LRTM1: variants seen among roughly 807,000 people sequenced by gnomAD.
The protein encoded by LRTM1 is leucine rich repeat transmembrane protein 1.
In LRTM1, 38 loss-of-function variants were observed where a neutral mutation model predicts 32.4. That is an observed-to-expected ratio of 1.17 (90% CI 0.91 to 1.54). The LOEUF (loss-of-function observed/expected upper bound fraction) is 1.54. Among genes scored for constraint, LRTM1 ranks in the 40% most tolerant of loss-of-function variants. The probability of loss-of-function intolerance (pLI) is 0.00; values close to 1 mark genes in which losing one functional copy is unlikely to be tolerated. For missense variants in LRTM1, 466 were observed against 415.4 expected (o/e 1.12, Z -1.06); for synonymous variants, 186 against 169.9 (o/e 1.09, Z -0.74).
In LRTM1 at chr3:54,918,870, G is replaced by C. The variant is rs776130162; in HGVS notation, c.627C>G (p.Ile209Met). Reference sequence around the variant, plus strand: ...CCTTCCAGGTGTCTGGTGATTCACAGATGATGCCGTCTGTTAGTCCCCCTT... The same window carrying C: ...CCTTCCAGGTGTCTGGTGATTCACACATGATGCCGTCTGTTAGTCCCCCTT... ...VYKGGLTDGI[I>M]CESPDTWKGK... Residue 209 changes from isoleucine (I) to methionine (M), a missense_variant, in exon 3 of 3, where the codon ATC becomes ATG. By Grantham distance (10) the Ile-to-Met change is conservative (BLOSUM62 1). Transcript: ENST00000273286. The C allele has an allele frequency of 6.4e-7, 1 of 1,552,740 alleles. No homozygotes were observed. Among genetic ancestry groups the C allele is most frequent in the African/African-American group, 1.4e-5 (1 of 73,102 alleles).
chr3:54,960,908 C>G (rs1279439258), intron 1 of LRTM1, among the ~76,000 whole-genome samples: 3 of 152,166 alleles, frequency 2.0e-5, no homozygotes, highest in South Asian at 4.1e-4. Context: ...AACAGACCTC[C>G]GGAATGGGCT....
chr3:54,958,014 C>G (rs984660637), intron 1 of LRTM1, among the ~76,000 whole-genome samples: 8 of 152,204 alleles, frequency 5.3e-5, no homozygotes, highest in African/African-American at 1.9e-4. Flanking sequence ...ATTGATATCT[C>G]CATCCACATT....
intron 1 of LRTM1, among the ~76,000 whole-genome samples, chr3:54,964,487 A>G (rs1215204655): frequency 6.6e-6 from 1 of 152,116 alleles, no homozygotes; most frequent in Non-Finnish European, 1.5e-5. Flanking sequence ...TTATTAAATT[A>G]GCAAGACTGA....
At chr3:54,927,868 A>G in intron 1 of LRTM1, 37 bp downstream of exon 1, 2 of 1,612,614 alleles carry the variant, frequency 1.2e-6, no homozygotes, top group East Asian at 2.2e-5. Flanking sequence ...TTTCTCCCAG[A>G]CAAGAACTTT....
intron 1 of LRTM1, among the ~76,000 whole-genome samples, chr3:54,963,085 A>G (rs2107052530): frequency 6.6e-6 from 1 of 152,282 alleles, no homozygotes; most frequent in African/African-American, 2.4e-5. Context: ...CTGCAAATGT[A>G]ATTTGTAGTC....
chr3:54,918,622 G>T lies in LRTM1; in HGVS notation c.875C>A (p.Thr292Asn). The change falls in exon 3 of 3, where the codon ACT becomes AAT. Residue 292 changes from threonine (T) to asparagine (N), a missense_variant. Coordinates refer to ENST00000273286, the MANE Select transcript of LRTM1 (RefSeq NM_020678.4). ...ACACACAATCCCACACACAACGCCA[G>T]TGATGATGACAGTGGCAATGGCATG... ...LRHAIATVIITGVVCGIVCLM... is the reference protein window; with the variant it reads ...LRHAIATVIINGVVCGIVCLM... 1 of 1,614,194 alleles carries T rather than the reference G, an allele frequency of 6.2e-7. No homozygotes were observed. The highest frequency in any genetic ancestry group is 1.1e-5 in the South Asian group (1 of 91,084).
intron 1 of LRTM1, 68 bp downstream of exon 1, chr3:54,927,837 C>G (rs868290469): frequency 1.9e-6 from 3 of 1,538,998 alleles, no homozygotes; most frequent in Middle Eastern, 1.7e-4. Context: ...CCCGCAGATA[C>G]CTTTGTGAGG....
At chr3:54,934,488 C>T (rs1333901672) in intron 1 of LRTM1, among the ~76,000 whole-genome samples, 1 of 152,206 alleles carries the variant, frequency 6.6e-6, no homozygotes, top group Non-Finnish European at 1.5e-5. Context: ...ATATGAATAT[C>T]AGCGGAGTTT....
chr3:54,936,413 T>C (rs1701330763), intron 1 of LRTM1, among the ~76,000 whole-genome samples: 2 of 152,138 alleles, frequency 1.3e-5, no homozygotes, highest in African/African-American at 4.8e-5. Context: ...GCTCTACATA[T>C]CTCTGCTTGT....
chr3:54,930,907 G>A (rs1701171975), upstream of LRTM1, among the ~76,000 whole-genome samples: 1 of 152,144 alleles, frequency 6.6e-6, no homozygotes, highest in Non-Finnish European at 1.5e-5. Flanking sequence ...GACCAGCCTG[G>A]CCAACAAGGT....
chr3:54,925,513 G>GA (rs749448487), intron 1 of LRTM1, among the ~76,000 whole-genome samples: 1 of 152,124 alleles, frequency 6.6e-6, no homozygotes, highest in South Asian at 2.1e-4. Context: ...ATAGAAGGGT[G>GA]AAAAAAAATA....
In LRTM1 at chr3:54,954,230, A is replaced by G. The variant is rs554508011; in HGVS notation, c.-222+12698T>C. Among the ~76,000 whole-genome samples the G allele has an allele frequency of 1.1e-4, 16 of 152,236 alleles. No homozygotes were observed. In the East Asian group the frequency reaches 3.1e-3, roughly 30 times the overall value. On this transcript the variant is annotated intron_variant, in intron 1 of 2. Transcript: ENST00000493075. Reference sequence around the variant, plus strand: ...GTCAGTGCTATGGCCTCCTCATTCCAAGGGAAGGTCACCTTCGAGTCAGTC... The same window carrying G: ...GTCAGTGCTATGGCCTCCTCATTCCGAGGGAAGGTCACCTTCGAGTCAGTC...
Position 54,960,250 on chromosome 3 carries a change from A to G in LRTM1, c.-222+6678T>C, listed in dbSNP as rs183476551. Among the ~76,000 whole-genome samples the G allele has an allele frequency of 5.2e-3, 791 of 152,246 alleles. 22 individuals are homozygous for G. Among genetic ancestry groups the G allele is most frequent in the Non-Finnish European group, 1.8e-3 (122 of 68,022 alleles). ...CTGCTGCGGCCTTGTCAATGGTGTG[A>G]TAATGTGAGCTATTTCTCCTCCCTC... On this transcript the variant is annotated intron_variant, in intron 1 of 2. Transcript: ENST00000493075.
At chr3:54,918,992 T>G in intron 2 of LRTM1, 100 bp from the exon 3 acceptor site, 1 of 916,638 alleles carries the variant, frequency 1.1e-6, no homozygotes, top group Non-Finnish European at 1.5e-6. Flanking sequence ...ATTTATGAAG[T>G]ACCTTTTTTT....
chr3:54,936,935 T>C (rs145422029), intron 1 of LRTM1, among the ~76,000 whole-genome samples: 394 of 152,216 alleles, frequency 2.6e-3, no homozygotes, highest in African/African-American at 9.0e-3. Context: ...CTACGGCTGA[T>C]GTTTATAAGT....
intron 1 of LRTM1, among the ~76,000 whole-genome samples, chr3:54,952,245 G>A (rs1201488554): frequency 1.3e-5 from 2 of 152,198 alleles, no homozygotes; most frequent in Non-Finnish European, 2.9e-5. Context: ...TGTTGGCCTT[G>A]CACTCTGCAG....
intron 1 of LRTM1, among the ~76,000 whole-genome samples, chr3:54,966,530 CAT>C (rs913182458): frequency 3.9e-5 from 6 of 152,184 alleles, no homozygotes; most frequent in African/African-American, 1.4e-4. Context: ...ACTTTTAAAA[CAT>C]ACCCAAGCCA....
At chr3:54,922,633 G>A (rs1700886860) in intron 2 of LRTM1, among the ~76,000 whole-genome samples, 1 of 152,036 alleles carries the variant, frequency 6.6e-6, no homozygotes, top group South Asian at 2.1e-4. Flanking sequence ...GCTGAGAACC[G>A]CTACAACCAT....
intron 1 of LRTM1, among the ~76,000 whole-genome samples, chr3:54,926,225 A>G (rs1011999066): frequency 5.3e-5 from 8 of 152,138 alleles, no homozygotes; most frequent in Admixed American, 5.2e-4. Context: ...TGAGCCACCT[A>G]CCATTCTAAG....
Sources: allele counts gnomAD v4.1 joint callset (sites outside exome capture counted in the v4.1 genomes callset), GRCh38; gene constraint gnomAD v4.1.1; transcripts MANE v1.5; gene names NCBI Gene and HGNC (gene_info 2026-07-23, HGNC 2026-07-21).